The following DNAH9 variants were observed in gnomAD, a reference collection of about 807,000 sequenced individuals.
DNAH9 encodes the protein DNAH9 variant protein.
A neutral mutation model predicts 471.6 loss-of-function variants in DNAH9; 345 were observed. That is an observed-to-expected ratio of 0.73 (90% CI 0.67 to 0.80). The LOEUF (loss-of-function observed/expected upper bound fraction) is 0.80. Ranked by LOEUF, DNAH9 falls within the 30% of genes least tolerant of loss-of-function variation. DNAH9 has a pLI of 0.00. For missense variants in DNAH9, 5,407 were observed against 5,609.2 expected (o/e 0.96, Z 1.15); for synonymous variants, 2,093 against 2,123.6 (o/e 0.99, Z 0.40).
At chr17:11,722,076 C>T (rs1010847554) in intron 27 of DNAH9, among the ~76,000 whole-genome samples, 6 of 152,146 alleles carry the variant, frequency 3.9e-5, no homozygotes, top group Non-Finnish European at 4.4e-5. Context: ...TCACAGGACC[C>T]GGCTGGGAGA....
chr17:11,882,972 C>G, intron 55 of DNAH9: 5 of 985,470 alleles, frequency 5.1e-6, no homozygotes, highest in Non-Finnish European at 6.0e-6. Context: ...GTTCTTCCCA[C>G]GAATCCAAAG....
At chr17:11,603,411 A>C (rs2079720) in intron 1 of DNAH9, among the ~76,000 whole-genome samples, 1 of 152,200 alleles carries the variant, frequency 6.6e-6, no homozygotes, top group Non-Finnish European at 1.5e-5. Flanking sequence ...GAGAATAACA[A>C]GTCCACGAAC....
At chr17:11,822,646 GT>G (rs1338455440) in intron 47 of DNAH9, 47 bp downstream of exon 47, 3 of 1,607,672 alleles carry the variant, frequency 1.9e-6, no homozygotes, top group Non-Finnish European at 2.6e-6. Flanking sequence ...CCAGATGAGG[GT>G]ACAATGAATT....
chr17:11,620,880 T>C (rs1021605061), intron 6 of DNAH9, among the ~76,000 whole-genome samples: 7 of 152,230 alleles, frequency 4.6e-5, no homozygotes, highest in Non-Finnish European at 8.8e-5. Flanking sequence ...CTCAAAGTTA[T>C]GTCTTTCCCT....
intron 58 of DNAH9, 145 bp from the exon 59 acceptor site, chr17:11,894,229 T>A: frequency 1.0e-6 from 1 of 965,052 alleles, no homozygotes; most frequent in Admixed American, 2.3e-5. Context: ...TACACTTCCT[T>A]CCACTCTACC....
chr17:11,773,066 G>C (rs543183945), intron 38 of DNAH9, among the ~76,000 whole-genome samples: 2 of 152,340 alleles, frequency 1.3e-5, no homozygotes, highest in Non-Finnish European at 2.9e-5. Flanking sequence ...TATCAAACAG[G>C]AATTTGGAGA....
chr17:11,771,800 A>G (rs1968217431), intron 38 of DNAH9, among the ~76,000 whole-genome samples: 1 of 152,240 alleles, frequency 6.6e-6, no homozygotes, highest in Non-Finnish European at 1.5e-5. Flanking sequence ...AATAATAATA[A>G]TAATAGCAAC....
chr17:11,615,929 C>T (rs77297888), intron 4 of DNAH9, among the ~76,000 whole-genome samples: 3,411 of 152,262 alleles, frequency 0.022, 47 homozygotes, highest in Non-Finnish European at 0.033. Flanking sequence ...CACCATCAGC[C>T]CCTCCACTTG....
intron 28 of DNAH9, among the ~76,000 whole-genome samples, chr17:11,731,007 AATGATGATGGTGGTG>A (rs2075254629): frequency 1.8e-5 from 1 of 54,382 alleles, no homozygotes; most frequent in African/African-American, 6.8e-5. Flanking sequence ...TGATGGTGGT[AATGATGATGGTGGTG>A]ATGATGATGG....
In DNAH9 at chr17:11,784,679, G is replaced by A. The variant is rs565703629; in HGVS notation, c.8061+140G>A. 3 of 1,233,672 alleles carry A rather than the reference G, an allele frequency of 2.4e-6. 1 individual carries two copies. The highest frequency in any genetic ancestry group is 2.8e-5 in the South Asian group (2 of 71,366). 76.4% of individuals were successfully genotyped at this position (1,233,672 alleles called of 1,614,324 possible). A position where few individuals can be genotyped will look rare whatever the true frequency, so the allele number is the denominator to read the frequency against. On this transcript the variant is annotated intron_variant, in intron 41 of 68. Coordinates refer to ENST00000262442, the MANE Select transcript of DNAH9 (RefSeq NM_001372.4). The stretch of plus-strand genomic sequence containing the variant: ...TCATATGTAATCATGAACATAAGCA[G>A]GTACACACAGTGCCATGGGCTCCAT...
chr17:11,824,761 G>T (rs1295914400), intron 48 of DNAH9, among the ~76,000 whole-genome samples: 1 of 151,416 alleles, frequency 6.6e-6, no homozygotes, highest in Non-Finnish European at 1.5e-5. Flanking sequence ...TTTTATTTTG[G>T]CCTGTTTTTC....
rs1455999150 is a variant in DNAH9, at chr17:11,629,516, G to A, written c.1450G>A (p.Glu484Lys). 2.5e-6 allele frequency: 4 copies of A among 1,614,144 alleles called. No individual in the cohort carries two copies. Among genetic ancestry groups the A allele is most frequent in the Admixed American group, 3.3e-5 (2 of 60,030 alleles). ...ALSQQVQQMH[E>K]EFQEMYRLLS... is the part of the protein sequence containing the mutation. ...GAGTCAGCAGGTCCAGCAAATGCAT[G>A]AAGAATTTCAAGAGATGTACAGGCT... Residue 484 changes from glutamate to lysine, a missense_variant, in exon 7 of 69, where the codon GAA (glutamate) becomes AAA (lysine). Transcript: ENST00000262442.
At chr17:11,863,250 A>G (rs1383371991) in intron 50 of DNAH9, among the ~76,000 whole-genome samples, 1 of 152,180 alleles carries the variant, frequency 6.6e-6, no homozygotes, top group Non-Finnish European at 1.5e-5. Flanking sequence ...AATTTTGTCA[A>G]AGGCCTTTTC....
Position 11,716,580 on chromosome 17 carries a change from A to G in DNAH9, c.5553-2754A>G, listed in dbSNP as rs201267203. On this transcript the variant is annotated intron_variant, in intron 26 of 68. Coordinates refer to ENST00000262442, the MANE Select transcript of DNAH9 (RefSeq NM_001372.4). The stretch of plus-strand genomic sequence containing the variant: ...CAATGATATTTTGACATTTCCCCCA[A>G]AAGATAATCAGAAGCTCAGCAGATG... 5.3e-3 allele frequency among the ~76,000 whole-genome samples: 814 copies of G among 152,236 alleles called. 4 individuals carry two copies. The highest frequency in any genetic ancestry group is 0.014 in the Middle Eastern group (4 of 294).
chr17:11,887,783 G>T (rs1470002603), intron 57 of DNAH9, among the ~76,000 whole-genome samples: 1 of 151,528 alleles, frequency 6.6e-6, no homozygotes, highest in East Asian at 1.9e-4. Context: ...ACACACTTCA[G>T]AATCTGTGGA....
intron 45 of DNAH9, among the ~76,000 whole-genome samples, chr17:11,819,732 A>T (rs1970244780): frequency 1.3e-5 from 2 of 152,216 alleles, no homozygotes; most frequent in African/African-American, 4.8e-5. Flanking sequence ...AAAGAACCAG[A>T]AAGAGTGATT....
Position 11,599,479 on chromosome 17 carries a change from A to G in DNAH9, c.417+564A>G, listed in dbSNP as rs1238317851. 5.3e-5 allele frequency among the ~76,000 whole-genome samples: 8 copies of G among 152,280 alleles called. 1 individual carries two copies. The South Asian group carries it at 1.7e-3, about 32-fold the overall frequency. On this transcript the variant is annotated intron_variant, in intron 1 of 68. Coordinates refer to ENST00000262442, the MANE Select transcript of DNAH9 (RefSeq NM_001372.4). ...CTTTTGATTTTCATCTCATTCATTC[A>G]TTACCAACCATTTAGCAAAGGTCAG...
At chr17:11,787,976 G>C (rs953341250) in intron 41 of DNAH9, among the ~76,000 whole-genome samples, 10 of 152,096 alleles carry the variant, frequency 6.6e-5, no homozygotes, top group African/African-American at 2.4e-4. Flanking sequence ...GTCTTTATCA[G>C]CAGCATGAAA....
intron 6 of DNAH9, among the ~76,000 whole-genome samples, chr17:11,622,987 T>C (rs1447136324): frequency 7.5e-5 from 7 of 93,102 alleles, no homozygotes; most frequent in African/African-American, 2.2e-4. Flanking sequence ...TTTTTTTTTT[T>C]CTCGAGATGG....
Sources: gnomAD v4.1 joint callset for allele counts (sites outside exome capture counted in the v4.1 genomes callset) on GRCh38, gnomAD v4.1.1 for gene constraint, MANE v1.5 for transcripts, NCBI Gene and HGNC (gene_info 2026-07-23, HGNC 2026-07-21) for gene names.